STXBP6: variants seen among roughly 807,000 people sequenced by gnomAD.
The protein encoded by STXBP6 is syntaxin-binding protein 6.
STXBP6 carries 21 observed loss-of-function variants against 26.9 expected under a neutral mutation model. The observed-to-expected ratio is 0.78, with a 90% CI of 0.55 to 1.12. The LOEUF is 1.12. STXBP6 is among the 50% of genes most tolerant of loss of function. The pLI, the probability that STXBP6 is intolerant of heterozygous loss-of-function variation, is 0.00. For missense variants in STXBP6, 232 were observed against 257.9 expected (o/e 0.90, Z 0.69); for synonymous variants, 97 against 92.6 (o/e 1.05, Z -0.27).
intron 2 of STXBP6, among the ~76,000 whole-genome samples, chr14:24,887,858 T>G (rs150096550): frequency 6.6e-6 from 1 of 152,224 alleles, no homozygotes; most frequent in Non-Finnish European, 1.5e-5. Context: ...CTAATGCAGC[T>G]TGATGCAAGT....
chr14:24,955,557 G>A (rs1181679649), intron 2 of STXBP6, among the ~76,000 whole-genome samples: 1 of 152,188 alleles, frequency 6.6e-6, no homozygotes, highest in African/African-American at 2.4e-5. Context: ...ATTGCAGGGT[G>A]AACCCATTAA....
chr14:24,921,413 CT>C (rs905408200), intron 2 of STXBP6, among the ~76,000 whole-genome samples: 1 of 152,150 alleles, frequency 6.6e-6, no homozygotes, highest in African/African-American at 2.4e-5. Context: ...TGCAATTTTA[CT>C]AAAACTTTCC....
intron 2 of STXBP6, among the ~76,000 whole-genome samples, chr14:24,899,658 C>A (rs2071128895): frequency 6.6e-6 from 1 of 151,264 alleles, no homozygotes; most frequent in Admixed American, 6.6e-5. Flanking sequence ...GCACATGCCT[C>A]TAATCCCAGC....
chr14:24,887,082 A>C (rs950554303), intron 2 of STXBP6, among the ~76,000 whole-genome samples: 5 of 152,214 alleles, frequency 3.3e-5, no homozygotes, highest in African/African-American at 1.2e-4. Context: ...TTGGCAGGAA[A>C]GGTATTATTT....
intron 2 of STXBP6, among the ~76,000 whole-genome samples, chr14:24,901,768 T>C (rs898034734): frequency 2.0e-5 from 3 of 151,620 alleles, no homozygotes; most frequent in Admixed American, 6.6e-5. Flanking sequence ...AGAGTTAATA[T>C]ACACTCTGTG....
intron 4 of STXBP6, among the ~76,000 whole-genome samples, chr14:24,847,593 C>G (rs1022377925): frequency 1.7e-4 from 26 of 152,070 alleles, no homozygotes; most frequent in Non-Finnish European, 3.7e-4. Context: ...CCTTTTATGT[C>G]TGTTTCAGAA....
At chr14:24,853,591 A>G (rs555661674) in intron 4 of STXBP6, among the ~76,000 whole-genome samples, 1 of 152,260 alleles carries the variant, frequency 6.6e-6, no homozygotes, top group South Asian at 2.1e-4. Flanking sequence ...AAGAGATTTT[A>G]TATAGCATCT....
At chr14:24,827,455 T>G (rs552373439) in intron 4 of STXBP6, among the ~76,000 whole-genome samples, 5 of 152,286 alleles carry the variant, frequency 3.3e-5, no homozygotes, top group Non-Finnish European at 4.4e-5. Flanking sequence ...TCCCTTCTTC[T>G]GATCTGCTCC....
At chr14:24,819,978 T>G (rs995988025) in intron 4 of STXBP6, among the ~76,000 whole-genome samples, 1 of 152,154 alleles carries the variant, frequency 6.6e-6, no homozygotes. Context: ...ACCAAGAAGG[T>G]TGAAAGCCAT....
intron 2 of STXBP6, among the ~76,000 whole-genome samples, chr14:24,956,767 C>T (rs1179992842): frequency 6.6e-6 from 1 of 152,086 alleles, no homozygotes; most frequent in Non-Finnish European, 1.5e-5. Context: ...CCGACCACGC[C>T]TTCAACACCA....
At chr14:24,994,270 A>G (rs903287094) in intron 1 of STXBP6, among the ~76,000 whole-genome samples, 1 of 152,328 alleles carries the variant, frequency 6.6e-6, no homozygotes, top group South Asian at 2.1e-4. Context: ...TACATTCTGT[A>G]CATGGCATCT....
chr14:24,829,778 A>T (rs1186812880), intron 4 of STXBP6, among the ~76,000 whole-genome samples: 2 of 151,822 alleles, frequency 1.3e-5, no homozygotes, highest in African/African-American at 4.8e-5. Context: ...CTCCACACAC[A>T]TTGTCCCCAC....
intron 1 of STXBP6, among the ~76,000 whole-genome samples, chr14:25,029,130 C>G (rs1185485717): frequency 6.6e-6 from 1 of 152,188 alleles, no homozygotes; most frequent in African/African-American, 2.4e-5. Flanking sequence ...AAAGCAGCAG[C>G]AGCAGAGTTT....
chr14:24,957,397 C>G (rs904910175), intron 2 of STXBP6, among the ~76,000 whole-genome samples: 1 of 152,196 alleles, frequency 6.6e-6, no homozygotes, highest in African/African-American at 2.4e-5. Flanking sequence ...CTTGTCATCA[C>G]GATCCTAATG....
At chr14:25,047,409 C>T (rs540650618) in intron 1 of STXBP6, among the ~76,000 whole-genome samples, 2 of 152,298 alleles carry the variant, frequency 1.3e-5, no homozygotes, top group African/African-American at 4.8e-5. Flanking sequence ...TCCCAACACA[C>T]CCCCAAAGAA....
chr14:24,888,490 G>A (rs1268019585), intron 2 of STXBP6, among the ~76,000 whole-genome samples: 1 of 152,110 alleles, frequency 6.6e-6, no homozygotes, highest in East Asian at 1.9e-4. Context: ...TTGGGAGGCC[G>A]AGGTGGGCAG....
chr14:24,944,468 T>C (rs963104636), intron 2 of STXBP6, among the ~76,000 whole-genome samples: 3 of 152,154 alleles, frequency 2.0e-5, no homozygotes, highest in Non-Finnish European at 2.9e-5. Context: ...ATAGGGGATA[T>C]GGGAGAGAGT....
chr14:25,010,321 C>T (rs1239182210), intron 1 of STXBP6, among the ~76,000 whole-genome samples: 2 of 152,218 alleles, frequency 1.3e-5, no homozygotes, highest in Non-Finnish European at 2.9e-5. Context: ...TAAACCTATT[C>T]AGGCAATTAA....
intron 2 of STXBP6, among the ~76,000 whole-genome samples, chr14:24,943,664 T>A (rs2072881881): frequency 6.6e-6 from 1 of 152,240 alleles, no homozygotes; most frequent in Non-Finnish European, 1.5e-5. Context: ...AACCAGTTTT[T>A]CTTCAGAACT....
Sources: allele counts gnomAD v4.1 joint callset (sites outside exome capture counted in the v4.1 genomes callset), GRCh38; gene constraint gnomAD v4.1.1; transcripts MANE v1.5; gene names NCBI Gene and HGNC (gene_info 2026-07-23, HGNC 2026-07-21).